The following SCN10A variants were observed in gnomAD, a reference collection of about 807,000 sequenced individuals.
SCN10A encodes the protein sodium channel protein type 10 subunit alpha.
SCN10A carries 162 observed loss-of-function variants against 170.7 expected under a neutral mutation model. The observed-to-expected ratio is 0.95, with a 90% CI of 0.84 to 1.08. SCN10A has a LOEUF of 1.08. SCN10A is among the 50% of genes least tolerant of loss of function. The pLI is 0.00. For missense variants in SCN10A, 2,527 were observed against 2,436.9 expected (o/e 1.04, Z -0.78); for synonymous variants, 985 against 904.6 (o/e 1.09, Z -1.59).
chr3:38,737,838 C>CTTTCTTTCTTTCTTTCT (rs549093627), intron 15 of SCN10A, among the ~76,000 whole-genome samples: 4 of 41,882 alleles, frequency 9.6e-5, no homozygotes, highest in African/African-American at 5.5e-4. Context: ...CTTTCTCTTT[C>CTTTCTTTCTTTCTTTCT]TTCTTTCTTT....
chr3:38,771,410 G>T lies in SCN10A; in HGVS notation c.471-3C>A. ...TGTAAATGACAGTGAAGACATATCT[G>T]GGAAGGAGGGTAGAAAAGGAGTGTC... is the stretch of plus-strand genomic sequence containing the variant. On this transcript the variant is annotated splice_polypyrimidine_tract_variant and splice_region_variant and intron_variant, in intron 4 of 27. Transcript: ENST00000449082. 1.9e-6 allele frequency: 3 copies of T among 1,613,622 alleles called. No individual in the cohort carries two copies. The highest frequency in any genetic ancestry group is 2.5e-6 in the Non-Finnish European group (3 of 1,179,714).
At position 38,775,919 on chromosome 3, in the gene SCN10A, ACT is replaced by A. The variant is rs1209494720; in HGVS notation, c.471-4514_471-4513del. On this transcript the variant is annotated intron_variant, in intron 4 of 27. Coordinates refer to ENST00000449082, the MANE Select transcript of SCN10A (RefSeq NM_006514.4). ...ATTTTTGATATGAGGATGAATGATG[ACT>A]CTATAGTTTTGTTGTCTTCTCAACC... 9.2e-5 allele frequency among the ~76,000 whole-genome samples: 14 copies of A among 151,990 alleles called. No individual in the cohort carries two copies. The South Asian group carries it at 2.5e-3, about 27-fold the overall frequency.
Position 38,698,090 on chromosome 3 carries a change from G to A in SCN10A, c.5130C>T (p.Phe1710=), listed in dbSNP as rs761341190. The A allele has an allele frequency of 1.2e-6, 2 of 1,614,128 alleles. No homozygotes were observed. Among genetic ancestry groups the A allele is most frequent in the Non-Finnish European group, 1.7e-6 (2 of 1,179,984 alleles). The part of the protein sequence containing the change: ...IFFTTYIIIS[F]LIMVNMYIAV... Reference sequence around the variant, plus strand: ...CAATGTACATGTTGACCATGATGAGGAAGGAGATGATGATGTAGGTGGTGA... The same window carrying A: ...CAATGTACATGTTGACCATGATGAGAAAGGAGATGATGATGTAGGTGGTGA... The change falls in exon 28 of 28, where the codon TTC becomes TTT. Residue 1710 remains phenylalanine, a synonymous_variant. Coordinates refer to ENST00000449082, the MANE Select transcript of SCN10A (RefSeq NM_006514.4).
intron 21 of SCN10A, 23 bp downstream of exon 21, chr3:38,718,630 C>T (rs771867178): frequency 1.1e-5 from 18 of 1,612,782 alleles, no homozygotes; most frequent in East Asian, 4.5e-5. Context: ...CCAAACCCCA[C>T]GTGTTCCCAC....
chr3:38,766,162 C>T (rs1479230519), intron 5 of SCN10A, among the ~76,000 whole-genome samples: 2 of 151,916 alleles, frequency 1.3e-5, no homozygotes, highest in South Asian at 4.2e-4. Flanking sequence ...CCTAGGCATA[C>T]GATCATATCA....
At chr3:38,739,945 G>A (rs914859019) in intron 14 of SCN10A, among the ~76,000 whole-genome samples, 21 of 152,134 alleles carry the variant, frequency 1.4e-4, no homozygotes, top group African/African-American at 5.1e-4. Flanking sequence ...TGGAATAAGC[G>A]GATAGTCTTT....
chr3:38,738,832 C>T (rs557214946), intron 15 of SCN10A, among the ~76,000 whole-genome samples: 1 of 152,326 alleles, frequency 6.6e-6, no homozygotes, highest in South Asian at 2.1e-4. Flanking sequence ...TGTGGCACTT[C>T]TCCTGTAGAG....
chr3:38,804,834 G>C (rs1224177623), intron 1 of SCN10A, among the ~76,000 whole-genome samples: 1 of 152,132 alleles, frequency 6.6e-6, no homozygotes, highest in Non-Finnish European at 1.5e-5. Context: ...GGAGGGTTGT[G>C]GGGGCGGAAT....
intron 5 of SCN10A, among the ~76,000 whole-genome samples, chr3:38,767,381 T>C (rs1179420694): frequency 1.3e-5 from 2 of 151,970 alleles, no homozygotes; most frequent in African/African-American, 4.8e-5. Context: ...TTTAATGCTA[T>C]GAGCTTTCCT....
chr3:38,814,743 G>A (rs756446457), intron 1 of SCN10A, among the ~76,000 whole-genome samples: 2 of 152,090 alleles, frequency 1.3e-5, no homozygotes, highest in African/African-American at 2.4e-5. Context: ...TTGACTAAGT[G>A]GACAGGGAAC....
At chr3:38,757,734 T>C (rs2063825074) in intron 8 of SCN10A, among the ~76,000 whole-genome samples, 1 of 152,194 alleles carries the variant, frequency 6.6e-6, no homozygotes, top group Non-Finnish European at 1.5e-5. Context: ...CAGGTGTCAA[T>C]ATATTTATTA....
At chr3:38,796,207 A>G (rs2064341020) in intron 1 of SCN10A, among the ~76,000 whole-genome samples, 1 of 152,096 alleles carries the variant, frequency 6.6e-6, no homozygotes, top group African/African-American at 2.4e-5. Context: ...TACTGCCATT[A>G]GCCCCAAATA....
In SCN10A at chr3:38,752,400, A is replaced by C. The variant is rs1199418291; in HGVS notation, c.1574T>G (p.Val525Gly). 2 of 1,613,496 alleles carry C rather than the reference A, an allele frequency of 1.2e-6. No individual in the cohort carries two copies. Among genetic ancestry groups the C allele is most frequent in the Non-Finnish European group, 1.7e-6 (2 of 1,179,830 alleles). ...ATGGCTTTCGTGGTCTCCAGGAAAGACTCCATCATCTGTGACTCCCTCAGG... is the reference window on the plus strand; with the variant it reads ...ATGGCTTTCGTGGTCTCCAGGAAAGCCTCCATCATCTGTGACTCCCTCAGG... ...SLPEGVTDDG[V>G]FPGDHESHRG... is the part of the protein sequence containing the mutation. Residue 525 changes from valine (V) to glycine (G), a missense_variant, in exon 12 of 28, where the codon GTC (valine) becomes GGC (glycine). Transcript: ENST00000449082.
rs774895449 is a variant in SCN10A at position 38,709,658 on chromosome 3, T to C, written c.4144-43A>G. 41 of 1,523,548 alleles carry C rather than the reference T, an allele frequency of 2.7e-5. No individual in the cohort carries two copies. In the Admixed American group the frequency reaches 8.0e-4, roughly 30 times the overall value. 94.4% of individuals were successfully genotyped at this position (1,523,548 alleles called of 1,614,324 possible). On this transcript the variant is annotated intron_variant, in intron 24 of 27. Transcript: ENST00000449082. ...AGAGTGGGAAGGAGGGTGGGTGTCT[T>C]AGTTCAGGTTCACTCTGAAAGCCAA...
At chr3:38,801,695 T>G (rs1393724977) in intron 1 of SCN10A, among the ~76,000 whole-genome samples, 1 of 152,182 alleles carries the variant, frequency 6.6e-6, no homozygotes, top group Non-Finnish European at 1.5e-5. Flanking sequence ...GGTCTTTCCC[T>G]ACTAATGTAG....
intron 13 of SCN10A, among the ~76,000 whole-genome samples, chr3:38,749,683 T>G (rs60349808): frequency 6.6e-6 from 1 of 152,250 alleles, no homozygotes; most frequent in South Asian, 2.1e-4. Context: ...AATATAATTA[T>G]GAAACCATGA....
rs200584416 is a variant in SCN10A at position 38,722,340 on chromosome 3, C to T, written c.3425G>A (p.Arg1142His). ...KSPWDVGWQV[R>H]KTCYRIVEHS... is the part of the protein sequence containing the mutation. ...CTCCACGATACGGTAGCAAGTCTTG[C>T]GCACCTGCCAGCCCACATCCCATGG... Residue 1142 changes from arginine (R) to histidine (H), a missense_variant, in exon 20 of 28, where the codon CGC becomes CAC. By Grantham distance (29) the Arg-to-His change is conservative. Coordinates refer to ENST00000449082, the MANE Select transcript of SCN10A (RefSeq NM_006514.4). 27 of 1,614,052 alleles carry T rather than the reference C, an allele frequency of 1.7e-5. No individual in the cohort carries two copies. Among genetic ancestry groups the T allele is most frequent in the African/African-American group, 1.6e-4 (12 of 75,004 alleles).
intron 4 of SCN10A, among the ~76,000 whole-genome samples, chr3:38,786,102 A>G (rs1381854918): frequency 6.6e-6 from 1 of 152,176 alleles, no homozygotes; most frequent in South Asian, 2.1e-4. Flanking sequence ...CAGAAACACC[A>G]TTTGACCCAG....
At chr3:38,706,619 A>G (rs1370236171) in intron 26 of SCN10A, among the ~76,000 whole-genome samples, 2 of 152,240 alleles carry the variant, frequency 1.3e-5, no homozygotes, top group African/African-American at 4.8e-5. Context: ...CTTCTGGCAG[A>G]AGACTGAGAA....
Sources: allele counts gnomAD v4.1 joint callset (sites outside exome capture counted in the v4.1 genomes callset), GRCh38; gene constraint gnomAD v4.1.1; transcripts MANE v1.5; gene names NCBI Gene and HGNC (gene_info 2026-07-23, HGNC 2026-07-21).